The following GMPR variants were observed in gnomAD, a reference collection of about 807,000 sequenced individuals.
GMPR encodes the protein GMP reductase 1.
GMPR carries 31 observed loss-of-function variants against 38.4 expected under a neutral mutation model. The observed-to-expected ratio is 0.81, with a 90% CI of 0.61 to 1.09. GMPR has a LOEUF of 1.09. Among genes scored for constraint, GMPR ranks in the 50% least tolerant of loss-of-function variants. The pLI is 0.00. For missense variants in GMPR, 468 were observed against 453.7 expected (o/e 1.03, Z -0.29); for synonymous variants, 162 against 173.3 (o/e 0.93, Z 0.51).
intron 6 of GMPR, among the ~76,000 whole-genome samples, chr6:16,281,532 G>A (rs1337761000): frequency 6.6e-6 from 1 of 151,870 alleles, no homozygotes; most frequent in Non-Finnish European, 1.5e-5. Context: ...TTGAGATGGA[G>A]TCTTGCTGTA....
chr6:16,242,143 C>G (rs1169965342), intron 1 of GMPR, among the ~76,000 whole-genome samples: 2 of 152,152 alleles, frequency 1.3e-5, no homozygotes, highest in Non-Finnish European at 2.9e-5. Flanking sequence ...TGTTTAAGGA[C>G]AGAGAAGACA....
At chr6:16,244,801 T>C (rs994528128) in intron 1 of GMPR, among the ~76,000 whole-genome samples, 1 of 152,092 alleles carries the variant, frequency 6.6e-6, no homozygotes, top group African/African-American at 2.4e-5. Context: ...GTGGATAAAG[T>C]TGGGGAAGAT....
chr6:16,267,541 T>C (rs571592560), intron 4 of GMPR, among the ~76,000 whole-genome samples: 6 of 152,050 alleles, frequency 3.9e-5, no homozygotes, highest in African/African-American at 1.4e-4. Flanking sequence ...AGCAAGACCA[T>C]GAACCCACCA....
At chr6:16,241,931 G>T (rs1210501294) in intron 1 of GMPR, among the ~76,000 whole-genome samples, 1 of 151,886 alleles carries the variant, frequency 6.6e-6, no homozygotes, top group Non-Finnish European at 1.5e-5. Flanking sequence ...TAGAGATGGG[G>T]TTTCACCGTG....
intron 2 of GMPR, 26 bp downstream of exon 2, chr6:16,246,987 C>T: frequency 6.2e-7 from 1 of 1,609,618 alleles, no homozygotes; most frequent in East Asian, 2.2e-5. Context: ...TTTGTTTTTT[C>T]CCTTTGCTGC....
chr6:16,278,672 A>G, intron 5 of GMPR, 112 bp from the exon 6 acceptor site: 1 of 762,042 alleles, frequency 1.3e-6, no homozygotes, highest in East Asian at 2.6e-5. Context: ...TCTGCCACAG[A>G]GGTTCACCCT....
chr6:16,285,759 A>C, intron 6 of GMPR, 34 bp from the exon 7 acceptor site: 2 of 1,598,640 alleles, frequency 1.3e-6, no homozygotes, highest in East Asian at 4.5e-5. Flanking sequence ...GCTCCCGCTG[A>C]TGATGTCCTG....
At chr6:16,277,124 C>T (rs1759486693) in intron 5 of GMPR, among the ~76,000 whole-genome samples, 1 of 152,164 alleles carries the variant, frequency 6.6e-6, no homozygotes, top group Non-Finnish European at 1.5e-5. Context: ...CGTCTGGTTG[C>T]AGGGCGGGGG....
At chr6:16,255,036 A>T (rs1278172643) in intron 4 of GMPR, among the ~76,000 whole-genome samples, 1 of 149,344 alleles carries the variant, frequency 6.7e-6, no homozygotes, top group African/African-American at 2.5e-5. Flanking sequence ...TTTGAGAAGG[A>T]GTCTCACTCT....
chr6:16,240,455 G>T (rs532611262), intron 1 of GMPR, among the ~76,000 whole-genome samples: 1 of 152,242 alleles, frequency 6.6e-6, no homozygotes, highest in South Asian at 2.1e-4. Context: ...GATGGCTTGA[G>T]CCCACGAGCT....
At chr6:16,254,436 T>C (rs1758933502) in intron 3 of GMPR, 126 bp from the exon 4 acceptor site, 4 of 722,164 alleles carry the variant, frequency 5.5e-6, no homozygotes, top group Non-Finnish European at 9.7e-6. Flanking sequence ...AGGTGCACTG[T>C]GCATTTGATT....
At chr6:16,265,502 C>G (rs78284235) in intron 4 of GMPR, among the ~76,000 whole-genome samples, 11,396 of 152,210 alleles carry the variant, frequency 0.075, 446 homozygotes, top group Middle Eastern at 0.088. Context: ...CCAGTGGGGA[C>G]TTGGAGAACT....
At chr6:16,263,596 G>A (rs376631358) in intron 4 of GMPR, among the ~76,000 whole-genome samples, 1 of 151,856 alleles carries the variant, frequency 6.6e-6, no homozygotes, top group East Asian at 1.9e-4. Context: ...TTGGGATGCA[G>A]AGATAAGAGG....
Position 16,277,117 on chromosome 6 carries a change from C to T in GMPR, c.548-1667C>T, listed in dbSNP as rs544794158. 3.3e-5 allele frequency among the ~76,000 whole-genome samples: 5 copies of T among 152,294 alleles called. No homozygotes were observed. In the South Asian group the frequency reaches 1.0e-3, roughly 32 times the overall value. ...CCTTTTATTCTGCCGTGCACAACGT[C>T]TGGTTGCAGGGCGGGGGGAAGGCGC... On this transcript the variant is annotated intron_variant, in intron 5 of 8. Transcript: ENST00000259727.
At chr6:16,289,763 C>T (rs1442626470) in intron 7 of GMPR, among the ~76,000 whole-genome samples, 3 of 148,072 alleles carry the variant, frequency 2.0e-5, no homozygotes, top group Admixed American at 6.8e-5. Context: ...GCTTCAAGTA[C>T]AGACCAGACA....
chr6:16,255,293 G>A (rs902338696), intron 4 of GMPR, among the ~76,000 whole-genome samples: 1 of 152,184 alleles, frequency 6.6e-6, no homozygotes, highest in African/African-American at 2.4e-5. Context: ...GATTACAGGT[G>A]TGAGCCACCA....
intron 7 of GMPR, among the ~76,000 whole-genome samples, chr6:16,289,156 G>T (rs1462552733): frequency 6.6e-6 from 1 of 152,150 alleles, no homozygotes; most frequent in African/African-American, 2.4e-5. Flanking sequence ...GCTATTTGCC[G>T]GGAAGGTCTA....
At chr6:16,255,991 G>A (rs566976723) in intron 4 of GMPR, among the ~76,000 whole-genome samples, 4 of 152,232 alleles carry the variant, frequency 2.6e-5, no homozygotes, top group Admixed American at 1.3e-4. Flanking sequence ...CGAGGCAGGT[G>A]GATCACCTGA....
Position 16,295,067 on chromosome 6 carries a change from G to T in GMPR, c.919G>T (p.Asp307Tyr). ...YKGDVENTIL[D>Y]ILGGLRSTCT... ...AGGAGATGTGGAAAACACTATCCTG[G>T]ATATTCTCGGGGGACTGAGGTCCAC... The change falls in exon 9 of 9, where the codon GAT becomes TAT. Residue 307 changes from aspartate (D) to tyrosine (Y), a missense_variant. Transcript: ENST00000259727. 6.2e-7 allele frequency: 1 copy of T among 1,607,062 alleles called. No homozygotes were observed. The highest frequency in any genetic ancestry group is 1.1e-5 in the South Asian group (1 of 90,736).
Sources: gnomAD v4.1 joint callset for allele counts (sites outside exome capture counted in the v4.1 genomes callset) on GRCh38, gnomAD v4.1.1 for gene constraint, MANE v1.5 for transcripts, NCBI Gene and HGNC (gene_info 2026-07-23, HGNC 2026-07-21) for gene names.